CHRNA3: variants seen among roughly 807,000 people sequenced by gnomAD.
CHRNA3 encodes neuronal acetylcholine receptor subunit alpha-3.
Under a neutral mutation model 41.9 loss-of-function variants are expected in CHRNA3, and 34 were observed. That is an observed-to-expected ratio of 0.81 (90% CI 0.62 to 1.08). The LOEUF (loss-of-function observed/expected upper bound fraction) is 1.08. Ranked by LOEUF, CHRNA3 falls within the 50% of genes least tolerant of loss-of-function variation. The probability of loss-of-function intolerance (pLI) is 0.00; values close to 1 mark genes in which losing one functional copy is unlikely to be tolerated. For synonymous variants in CHRNA3, 281 were observed against 265.2 expected, an observed-to-expected ratio of 1.06 and a Z score of -0.58; for missense variants, 542 against 638.3, an observed-to-expected ratio of 0.85 and a Z score of 1.63.
downstream of CHRNA3, chr15:78,594,455 T>A (rs900023271): frequency 6.6e-6 from 1 of 152,172 alleles, no homozygotes; most frequent in African/African-American, 2.4e-5. Flanking sequence ...GGCAGGTGGA[T>A]CACCAGAGGT....
chr15:78,598,600 G>C (rs1444751379), intron 5 of CHRNA3, among the ~76,000 whole-genome samples: 2 of 152,086 alleles, frequency 1.3e-5, no homozygotes, highest in Non-Finnish European at 2.9e-5. Context: ...GAGTGCAGTG[G>C]CATGACCTCG....
rs61737491 is a variant in CHRNA3, at chr15:78,601,553, C to G, written c.1089G>C (p.Glu363Asp). Residue 363 changes from glutamate to aspartate, a missense_variant, in exon 5 of 6, where the codon GAG becomes GAC. Glu to Asp is a conservative substitution (Grantham distance 45). Coordinates refer to ENST00000326828, the MANE Select transcript of CHRNA3 (RefSeq NM_000743.5). ...VMFMTRPTSN[E>D]GNAQKPRPLY... ...GGGGCCTCGGCTTCTGAGCGTTGCC[C>G]TCGTTGCTTGTTGGCCTGGTCATGA... The G allele has an allele frequency of 1.1e-4, 171 of 1,614,036 alleles. No individual in the cohort carries two copies. Among genetic ancestry groups the G allele is most frequent in the Non-Finnish European group, 1.4e-4 (161 of 1,180,056 alleles).
intron 1 of CHRNA3, among the ~76,000 whole-genome samples, chr15:78,620,470 A>T (rs1278812915): frequency 2.0e-5 from 3 of 151,048 alleles, no homozygotes; most frequent in African/African-American, 7.2e-5. Context: ...GGCGCGTACC[A>T]GCGCCCGCTC....
intron 5 of CHRNA3, among the ~76,000 whole-genome samples, chr15:78,599,164 G>C (rs2053158025): frequency 6.6e-6 from 1 of 151,904 alleles, no homozygotes; most frequent in African/African-American, 2.4e-5. Context: ...TTTTTGTAGA[G>C]AAAGGGTTTC....
At position 78,602,201 on chromosome 15, in the gene CHRNA3, C is replaced by T; in HGVS notation, c.441G>A (p.Val147=). Residue 147 remains valine (V), a synonymous_variant, in exon 5 of 6, where the codon GTG becomes GTA. Coordinates refer to ENST00000326828, the MANE Select transcript of CHRNA3 (RefSeq NM_000743.5). The part of the protein sequence containing the change: ...TKALLKYTGE[V]TWIPPAIFKS... ...TAAAGATGGCCGGAGGTATCCAAGT[C>T]ACCTCCCCAGTGTACTTGAGTAAGG... 6.2e-7 allele frequency: 1 copy of T among 1,614,106 alleles called. No homozygotes were observed. Among genetic ancestry groups the T allele is most frequent in the Non-Finnish European group, 8.5e-7 (1 of 1,180,002 alleles).
intron 4 of CHRNA3, among the ~76,000 whole-genome samples, chr15:78,607,053 C>A (rs2053300541): frequency 1.3e-5 from 2 of 151,452 alleles, no homozygotes; most frequent in African/African-American, 4.9e-5. Context: ...CATTGTGAAA[C>A]CCCATCTCTA....
intron 1 of CHRNA3, chr15:78,620,134 A>T (rs2053526078): frequency 6.6e-6 from 1 of 152,336 alleles, no homozygotes; most frequent in Non-Finnish European, 1.5e-5. Flanking sequence ...GGAGAGCGGG[A>T]GGAAGACAGG....
chr15:78,596,460 C>CCAAGATAAGTGGAAAATAAGTAAACCTCG lies in CHRNA3; in HGVS notation c.*115_*143dup. On this transcript the variant is annotated 3_prime_UTR_variant, in exon 6 of 6. Coordinates refer to ENST00000326828, the MANE Select transcript of CHRNA3 (RefSeq NM_000743.5). ...TTGACATTTTTTTTTTTGCATGATT[C>CCAAGATAAGTGGAAAATAAGTAAACCTCG]CAAGATAAGTGGAAAATAAGTAAAC... is the stretch of plus-strand genomic sequence containing the variant. The CCAAGATAAGTGGAAAATAAGTAAACCTCG allele has an allele frequency of 7.7e-7, 1 of 1,295,048 alleles. No homozygotes were observed. Among genetic ancestry groups the CCAAGATAAGTGGAAAATAAGTAAACCTCG allele is most frequent in the South Asian group, 2.7e-5 (1 of 37,594 alleles). The allele number at this position is 1,295,048 out of a possible 1,614,324, so 80.2% of individuals were successfully genotyped here. A position where few individuals can be genotyped will look rare whatever the true frequency, so the allele number is the denominator to read the frequency against.
chr15:78,609,533 G>C (rs1447431619), intron 4 of CHRNA3, among the ~76,000 whole-genome samples: 2 of 152,152 alleles, frequency 1.3e-5, no homozygotes, highest in African/African-American at 4.8e-5. Context: ...AATGCTGAGA[G>C]ATTTTATCAC....
At chr15:78,620,389 C>CAGCGCGGGGCAGGGCGACGGGA in intron 1 of CHRNA3, 1 of 344,250 alleles carries the variant, frequency 2.9e-6, no homozygotes, top group Non-Finnish European at 5.2e-6. Flanking sequence ...GGGCGACGGG[C>CAGCGCGGGGCAGGGCGACGGGA]AGCGCGGGGA....
chr15:78,597,617 G>A (rs2053134186), intron 5 of CHRNA3, among the ~76,000 whole-genome samples: 1 of 152,092 alleles, frequency 6.6e-6, no homozygotes, highest in South Asian at 2.1e-4. Flanking sequence ...AGAGCAGGTT[G>A]AACATCAGAA....
At chr15:78,605,523 C>CT (rs75104798) in intron 4 of CHRNA3, among the ~76,000 whole-genome samples, 43,930 of 152,064 alleles carry the variant, frequency 0.29, 7,321 homozygotes, top group East Asian at 0.44. Context: ...GAGGACCCCA[C>CT]TCTGCACTGA....
chr15:78,597,360 G>A (rs1177022587), intron 5 of CHRNA3, among the ~76,000 whole-genome samples: 2 of 152,200 alleles, frequency 1.3e-5, no homozygotes, highest in Non-Finnish European at 2.9e-5. Context: ...GAACCCGGGA[G>A]GCGGAGGTTG....
At position 78,596,189 on chromosome 15, in the gene CHRNA3, T is replaced by C; in HGVS notation, c.*415A>G. 1 of 985,810 alleles carries C rather than the reference T, an allele frequency of 1.0e-6. No individual in the cohort carries two copies. The highest frequency in any genetic ancestry group is 1.2e-6 in the Non-Finnish European group (1 of 830,588). The allele number at this position is 985,810 out of a possible 1,614,324, so 61.1% of individuals were successfully genotyped here. ...ACGATGGGGGATTGCTGAATTAGTA[T>C]AAACCTTCAAAGAGATTATGGGCTA... On this transcript the variant is annotated 3_prime_UTR_variant, in exon 6 of 6. Coordinates refer to ENST00000326828, the MANE Select transcript of CHRNA3 (RefSeq NM_000743.5).
At chr15:78,600,056 A>G (rs1314760319) in intron 5 of CHRNA3, 1 of 151,400 alleles carries the variant, frequency 6.6e-6, no homozygotes, top group Non-Finnish European at 1.5e-5. Context: ...CAATTATCAA[A>G]TAAGTCAGTA....
In CHRNA3 at chr15:78,596,553, C is replaced by T. The variant is rs199913628; in HGVS notation, c.*51G>A. The T allele has an allele frequency of 2.8e-6, 4 of 1,425,788 alleles. No homozygotes were observed. The highest frequency in any genetic ancestry group is 3.7e-6 in the Non-Finnish European group (4 of 1,086,190). 88.3% of individuals were successfully genotyped at this position (1,425,788 alleles called of 1,614,324 possible). A position where few individuals can be genotyped will look rare whatever the true frequency, so the allele number is the denominator to read the frequency against. ...GTACGTTCTTACTAGGAAGCAGCCT[C>T]CTCCTGCCCTGACACAAGGAAGTCT... On this transcript the variant is annotated 3_prime_UTR_variant, in exon 6 of 6. Transcript: ENST00000326828.
chr15:78,594,515 A>C (rs2053067344), downstream of CHRNA3: 1 of 152,318 alleles, frequency 6.6e-6, no homozygotes, highest in East Asian at 1.9e-4. Flanking sequence ...CGTCTCTACT[A>C]AGAATACAAA....
intron 4 of CHRNA3, 21 bp downstream of exon 4, chr15:78,617,003 G>T: frequency 1.9e-6 from 3 of 1,567,828 alleles, no homozygotes; most frequent in South Asian, 2.2e-5. Flanking sequence ...CTGAGAGGGC[G>T]TGGGCCCCCC....
chr15:78,611,323 A>C, intron 4 of CHRNA3, among the ~76,000 whole-genome samples: 1 of 152,082 alleles, frequency 6.6e-6, no homozygotes. Context: ...AATCCTCAAT[A>C]AAATACTGGC....
Sources: gnomAD v4.1 joint callset for allele counts (sites outside exome capture counted in the v4.1 genomes callset) on GRCh38, gnomAD v4.1.1 for gene constraint, MANE v1.5 for transcripts, NCBI Gene and HGNC (gene_info 2026-07-23, HGNC 2026-07-21) for gene names.